The following DISC1 variants were observed in gnomAD, a reference collection of about 807,000 sequenced individuals.
The protein encoded by DISC1 is disrupted in schizophrenia 1 protein.
In DISC1, 57 loss-of-function variants were observed where a neutral mutation model predicts 84.5. The ratio of observed to expected loss-of-function variants is 0.67; its 90% CI spans 0.55 to 0.84. The LOEUF is 0.84. Ranked by LOEUF, DISC1 falls within the 40% of genes least tolerant of loss-of-function variation. DISC1 has a pLI of 0.00. For missense variants in DISC1, 1,000 were observed against 1,057.8 expected, an observed-to-expected ratio of 0.95 and a Z score of 0.76; for synonymous variants, 411 against 415.2, an observed-to-expected ratio of 0.99 and a Z score of 0.12.
At chr1:231,938,939 C>T (rs1349544327) in intron 9 of DISC1, among the ~76,000 whole-genome samples, 1 of 152,114 alleles carries the variant, frequency 6.6e-6, no homozygotes, top group Non-Finnish European at 1.5e-5. Flanking sequence ...GGATTCTTTC[C>T]TCTCTGTTTT....
At chr1:231,734,312 A>G (rs1416884731) in intron 3 of DISC1, among the ~76,000 whole-genome samples, 1 of 152,186 alleles carries the variant, frequency 6.6e-6, no homozygotes, top group Admixed American at 6.5e-5. Flanking sequence ...ATTTGGTGAA[A>G]GAACACTTTA....
At chr1:231,930,850 A>C (rs553994667) in intron 9 of DISC1, among the ~76,000 whole-genome samples, 1 of 152,316 alleles carries the variant, frequency 6.6e-6, no homozygotes, top group Non-Finnish European at 1.5e-5. Context: ...ATTACAAGCC[A>C]GATGCAAGTC....
rs2082430959 is a variant in DISC1, at chr1:231,833,972, CT to C, written c.1981+15459del. Among the ~76,000 whole-genome samples, 3 of 152,176 alleles carry C rather than the reference CT, an allele frequency of 2.0e-5. No homozygotes were observed. In the South Asian group the frequency reaches 6.2e-4, roughly 32 times the overall value. ...TTTGAGAATAAGACGGCCTTTTGAC[CT>C]TTTAGGGTCCAGGGCTGTAAAGTGT... On this transcript the variant is annotated intron_variant, in intron 9 of 12. Transcript: ENST00000439617.
At chr1:231,665,334 A>T (rs1295840017) in intron 1 of DISC1, among the ~76,000 whole-genome samples, 2 of 152,114 alleles carry the variant, frequency 1.3e-5, no homozygotes, top group East Asian at 3.9e-4. Context: ...GAGCAATACT[A>T]TAAACTTTGA....
intron 1 of DISC1, among the ~76,000 whole-genome samples, chr1:231,628,504 T>G (rs1210248720): frequency 1.3e-5 from 2 of 152,208 alleles, no homozygotes; most frequent in Non-Finnish European, 1.5e-5. Flanking sequence ...TATGAATTCC[T>G]TTGATGAAAT....
chr1:231,878,584 T>C (rs991451168), intron 9 of DISC1, among the ~76,000 whole-genome samples: 1 of 152,116 alleles, frequency 6.6e-6, no homozygotes, highest in South Asian at 2.1e-4. Context: ...ACTTTCATCT[T>C]TATATAAAGG....
In DISC1 at chr1:231,954,938, AG is replaced by A. The variant is rs1392063392; in HGVS notation, c.1982-3888del. On this transcript the variant is annotated intron_variant, in intron 9 of 12. Coordinates refer to ENST00000439617, the MANE Select transcript of DISC1 (RefSeq NM_018662.3). The surrounding 1 kb of genome is among the most constrained non-coding windows in gnomAD (Gnocchi z 4.8). ...GCATTCTCCTTAGATGGCAGCCTCC[AG>A]GCAAGAAGAAAAGCCCATGGCTTTG... 6.6e-6 allele frequency among the ~76,000 whole-genome samples: 1 copy of A among 152,210 alleles called. No individual in the cohort carries two copies. Among genetic ancestry groups the A allele is most frequent in the East Asian group, 1.9e-4 (1 of 5,192 alleles).
At chr1:231,670,783 G>T (rs1205181243) in intron 1 of DISC1, 1 of 152,158 alleles carries the variant, frequency 6.6e-6, no homozygotes, top group African/African-American at 2.4e-5. Flanking sequence ...TTTCATAAAA[G>T]AGCCCTGCCA....
At chr1:231,814,975 ATAATAT>A (rs2080772286) in intron 8 of DISC1, 1 of 131,508 alleles carries the variant, frequency 7.6e-6, no homozygotes, top group East Asian at 2.0e-4. Context: ...AATAATAATA[ATAATAT>A]AAGATATAAC....
intron 9 of DISC1, among the ~76,000 whole-genome samples, chr1:231,910,624 T>A (rs1415733128): frequency 6.6e-6 from 1 of 152,328 alleles, no homozygotes; most frequent in Admixed American, 6.5e-5. Context: ...ATAAGTGCGA[T>A]GTGGTGCTGA....
At chr1:231,635,366 G>A (rs2059109887) in intron 1 of DISC1, among the ~76,000 whole-genome samples, 1 of 151,438 alleles carries the variant, frequency 6.6e-6, no homozygotes, top group Non-Finnish European at 1.5e-5. Context: ...TACAGAATCC[G>A]TCTTTCTTGC....
At chr1:231,695,201 G>T (rs190518518) in intron 2 of DISC1, among the ~76,000 whole-genome samples, 2 of 152,308 alleles carry the variant, frequency 1.3e-5, no homozygotes, top group South Asian at 2.1e-4. Context: ...CTATCAGGGC[G>T]ATCCTGCTCT....
intron 9 of DISC1, among the ~76,000 whole-genome samples, chr1:231,831,609 T>G (rs914113833): frequency 1.3e-5 from 2 of 152,208 alleles, no homozygotes; most frequent in African/African-American, 4.8e-5. Flanking sequence ...TTTGATGGCC[T>G]TTGCAGTGAA....
At chr1:231,842,089 T>A (rs2083118770) in intron 9 of DISC1, among the ~76,000 whole-genome samples, 2 of 152,182 alleles carry the variant, frequency 1.3e-5, no homozygotes, top group East Asian at 3.9e-4. Context: ...ATCCTCACAC[T>A]ACTGGGCTTT....
chr1:231,677,501 C>T (rs1272057638), intron 1 of DISC1, among the ~76,000 whole-genome samples: 3 of 152,206 alleles, frequency 2.0e-5, no homozygotes, highest in South Asian at 2.1e-4. Flanking sequence ...GAGCATTTAA[C>T]GTCACCTGCC....
At chr1:231,726,905 T>C (rs1237413310) in intron 3 of DISC1, among the ~76,000 whole-genome samples, 12 of 152,266 alleles carry the variant, frequency 7.9e-5, no homozygotes, top group African/African-American at 2.6e-4. Context: ...GGGTCTGCAG[T>C]GAGATTTTAC....
intron 11 of DISC1, among the ~76,000 whole-genome samples, chr1:232,024,401 C>G (rs2103037002): frequency 6.6e-6 from 1 of 152,236 alleles, no homozygotes; most frequent in Non-Finnish European, 1.5e-5. Context: ...TAGCAAAAAT[C>G]AAATTATATA....
chr1:231,736,253 T>C (rs1002951953), intron 3 of DISC1, among the ~76,000 whole-genome samples: 3 of 152,120 alleles, frequency 2.0e-5, no homozygotes, highest in African/African-American at 7.2e-5. Context: ...ATCAAACAGA[T>C]AGGCAAGACC....
intron 10 of DISC1, among the ~76,000 whole-genome samples, chr1:231,978,188 C>G (rs905328986): frequency 6.6e-6 from 1 of 152,034 alleles, no homozygotes; most frequent in African/African-American, 2.4e-5. Context: ...GTATGACTTT[C>G]TATTGTACCA....
Sources: allele counts gnomAD v4.1 joint callset (sites outside exome capture counted in the v4.1 genomes callset), GRCh38; gene constraint gnomAD v4.1.1; non-coding constraint Gnocchi (gnomAD v3.1); transcripts MANE v1.5; gene names NCBI Gene and HGNC (gene_info 2026-07-23, HGNC 2026-07-21).